Variants in FRMD4A observed in about 807,000 individuals in gnomAD.
FRMD4A encodes FERM domain containing 4A, also known as FERM domain-containing protein 4A.
In FRMD4A, 29 loss-of-function variants were observed where a neutral mutation model predicts 129.1. The ratio of observed to expected loss-of-function variants is 0.22; its 90% CI spans 0.17 to 0.31. The LOEUF is 0.31. Among genes scored for constraint, FRMD4A ranks in the 10% least tolerant of loss-of-function variants. FRMD4A has a pLI of 1.00. For synonymous variants in FRMD4A, 634 were observed against 571.6 expected (o/e 1.11, Z -1.56); for missense variants, 1,272 against 1,375.8 (o/e 0.92, Z 1.19).
intron 2 of FRMD4A, among the ~76,000 whole-genome samples, chr10:13,968,450 A>T (rs1223033769): frequency 6.6e-6 from 1 of 152,190 alleles, no homozygotes; most frequent in Non-Finnish European, 1.5e-5. Flanking sequence ...TTTCACATCC[A>T]TCGCTTATTT....
intron 12 of FRMD4A, among the ~76,000 whole-genome samples, chr10:13,708,255 G>A (rs1190868797): frequency 6.6e-6 from 1 of 152,158 alleles, no homozygotes; most frequent in Non-Finnish European, 1.5e-5. Flanking sequence ...TCTCTGACCT[G>A]CTCATGTTCT....
At chr10:13,846,268 C>G (rs1326290791) in intron 3 of FRMD4A, among the ~76,000 whole-genome samples, 1 of 152,186 alleles carries the variant, frequency 6.6e-6, no homozygotes. Context: ...TTTGCCATTA[C>G]TTTTAATGCA....
At chr10:14,212,173 A>G (rs1396064882) in intron 2 of FRMD4A, among the ~76,000 whole-genome samples, 3 of 152,082 alleles carry the variant, frequency 2.0e-5, no homozygotes, top group Admixed American at 6.5e-5. Flanking sequence ...CACCTTCCCT[A>G]TGGGATCCCC....
chr10:13,660,347 C>G lies in FRMD4A; in HGVS notation c.1867G>C (p.Val623Leu), dbSNP rs745789956. The G allele has an allele frequency of 6.2e-7, 1 of 1,613,710 alleles. No individual in the cohort carries two copies. Among genetic ancestry groups the G allele is most frequent in the East Asian group, 2.2e-5 (1 of 44,890 alleles). ...ESSLDEPYEKVKKRSSHSHSS... is the reference protein window; with the variant it reads ...ESSLDEPYEKLKKRSSHSHSS... ...TGGCTGTGAGAGGAGCGCTTCTTGACCTTCTCATAGGGTTCATCTAAAGAG... is the reference window on the plus strand; with the variant it reads ...TGGCTGTGAGAGGAGCGCTTCTTGAGCTTCTCATAGGGTTCATCTAAAGAG... The change falls in exon 20 of 25, where the codon GTC becomes CTC. Residue 623 changes from valine to leucine, a missense_variant. By Grantham distance (32) the Val-to-Leu change is conservative. Transcript: ENST00000357447.
At chr10:14,062,690 G>A (rs1178048569) in intron 2 of FRMD4A, among the ~76,000 whole-genome samples, 1 of 152,212 alleles carries the variant, frequency 6.6e-6, no homozygotes, top group Admixed American at 6.5e-5. Flanking sequence ...TCAACTGTGA[G>A]GGAATTATCT....
At chr10:14,249,351 T>TA (rs71388170) in intron 2 of FRMD4A, among the ~76,000 whole-genome samples, 56,731 of 143,586 alleles carry the variant, frequency 0.4, 11,898 homozygotes, top group South Asian at 0.47. Context: ...GAATCTGTCT[T>TA]AAAAAAAAAA....
At chr10:13,999,088 G>T (rs2095632836) in intron 2 of FRMD4A, among the ~76,000 whole-genome samples, 1 of 151,946 alleles carries the variant, frequency 6.6e-6, no homozygotes, top group African/African-American at 2.4e-5. Context: ...CCTGCCTCTG[G>T]CCTGTTGTAC....
chr10:14,199,429 C>A (rs1402068207), intron 2 of FRMD4A, among the ~76,000 whole-genome samples: 1 of 150,886 alleles, frequency 6.6e-6, no homozygotes, highest in African/African-American at 2.4e-5. Context: ...TCTCAACTCA[C>A]TGCAATCTCC....
At chr10:13,950,729 C>T (rs2095365240) in intron 2 of FRMD4A, among the ~76,000 whole-genome samples, 1 of 152,218 alleles carries the variant, frequency 6.6e-6, no homozygotes, top group South Asian at 2.1e-4. Flanking sequence ...ACGCCCGCTT[C>T]CCTTTTCCCT....
chr10:14,329,200 T>C (rs535082729), intron 2 of FRMD4A, among the ~76,000 whole-genome samples: 30 of 152,194 alleles, frequency 2.0e-4, no homozygotes, highest in Admixed American at 1.8e-3. Context: ...GTTCATAAAA[T>C]CTCCTGTGTA....
chr10:14,057,080 T>C (rs1834570084), intron 2 of FRMD4A, among the ~76,000 whole-genome samples: 1 of 152,176 alleles, frequency 6.6e-6, no homozygotes, highest in South Asian at 2.1e-4. Flanking sequence ...AGAAAAATGC[T>C]AGTCTTCTTC....
intron 2 of FRMD4A, among the ~76,000 whole-genome samples, chr10:14,085,147 C>T (rs1836188932): frequency 6.6e-6 from 1 of 152,168 alleles, no homozygotes; most frequent in African/African-American, 2.4e-5. Context: ...TCATCACATG[C>T]TCTGGAAACT....
intron 2 of FRMD4A, among the ~76,000 whole-genome samples, chr10:14,152,715 C>A (rs574877574): frequency 6.6e-5 from 10 of 152,236 alleles, no homozygotes; most frequent in African/African-American, 2.2e-4. Context: ...TGGTATGTGT[C>A]TTTAGTCCCA....
intron 2 of FRMD4A, among the ~76,000 whole-genome samples, chr10:14,042,425 C>T (rs775884296): frequency 2.0e-5 from 3 of 152,142 alleles, no homozygotes; most frequent in Non-Finnish European, 4.4e-5. Flanking sequence ...AAAGTGGACG[C>T]GTCAAGTTAT....
intron 2 of FRMD4A, among the ~76,000 whole-genome samples, chr10:14,305,565 G>A (rs1337259636): frequency 6.6e-6 from 1 of 152,086 alleles, no homozygotes; most frequent in East Asian, 1.9e-4. Flanking sequence ...GCCAGATGGT[G>A]TCTCTGTTGG....
chr10:13,964,905 C>T (rs1385890340), intron 2 of FRMD4A, among the ~76,000 whole-genome samples: 1 of 151,952 alleles, frequency 6.6e-6, no homozygotes, highest in Non-Finnish European at 1.5e-5. Context: ...AGGATGGTCT[C>T]GATCTCTTGA....
At chr10:14,294,530 G>A (rs747608638) in intron 2 of FRMD4A, among the ~76,000 whole-genome samples, 9 of 152,166 alleles carry the variant, frequency 5.9e-5, no homozygotes, top group South Asian at 2.1e-4. Context: ...CTCTTCATGT[G>A]TAGTGTAAAC....
At chr10:13,999,715 A>G (rs1405394284) in intron 2 of FRMD4A, among the ~76,000 whole-genome samples, 1 of 152,258 alleles carries the variant, frequency 6.6e-6, no homozygotes, top group East Asian at 1.9e-4. Context: ...GATTGGGAAG[A>G]AAAGGGACTG....
intron 2 of FRMD4A, among the ~76,000 whole-genome samples, chr10:14,243,307 T>G (rs185106668): frequency 2.6e-5 from 4 of 152,266 alleles, no homozygotes; most frequent in African/African-American, 9.6e-5. Context: ...TGTGTTGTTC[T>G]TGTGATAGTG....
Sources: gnomAD v4.1 joint callset for allele counts (sites outside exome capture counted in the v4.1 genomes callset) on GRCh38, gnomAD v4.1.1 for gene constraint, MANE v1.5 for transcripts, NCBI Gene and HGNC (gene_info 2026-07-23, HGNC 2026-07-21) for gene names.